The following RANBP2 variants were observed in gnomAD, a reference collection of about 807,000 sequenced individuals.
RANBP2 encodes RAN binding protein 2.
Under a neutral mutation model 303.6 loss-of-function variants are expected in RANBP2, and 57 were observed. The observed-to-expected ratio is 0.19, with a 90% CI of 0.15 to 0.23. The LOEUF (loss-of-function observed/expected upper bound fraction) is 0.23, where lower values mean the gene tolerates loss of function less well. Ranked by LOEUF, RANBP2 falls within the 10% of genes least tolerant of loss-of-function variation. The pLI, the probability that RANBP2 is intolerant of heterozygous loss-of-function variation, is 1.00. For missense variants in RANBP2, 3,138 were observed against 3,780.8 expected, an observed-to-expected ratio of 0.83 and a Z score of 4.46; for synonymous variants, 1,167 against 1,301.5, an observed-to-expected ratio of 0.90 and a Z score of 2.23.
intron 7 of RANBP2, among the ~76,000 whole-genome samples, chr2:108,745,578 T>C (rs2693117): frequency 4.5e-4 from 66 of 145,472 alleles, no homozygotes; most frequent in Non-Finnish European, 8.7e-4. Context: ...GTCTTCCCTT[T>C]GCCATTCTAT....
At chr2:108,850,210 C>T in the RANBP2 span, among the ~76,000 whole-genome samples, 1 of 152,184 alleles carries the variant, frequency 6.6e-6, no homozygotes, top group African/African-American at 2.4e-5. Flanking sequence ...AGACTTAACT[C>T]TAGTAAGAAG....
chr2:109,557,194 T>TA, the RANBP2 span, among the ~76,000 whole-genome samples: 2 of 151,966 alleles, frequency 1.3e-5, no homozygotes, highest in Admixed American at 6.6e-5. Context: ...AAAAAAATTA[T>TA]AAAAAAAATC....
chr2:109,634,423 C>T, the RANBP2 span, among the ~76,000 whole-genome samples: 55 of 152,316 alleles, frequency 3.6e-4, no homozygotes, highest in South Asian at 0.011. Flanking sequence ...TGAATCACAT[C>T]ACTGAGGGCC....
At chr2:109,510,159 G>A in the RANBP2 span, among the ~76,000 whole-genome samples, 1 of 152,218 alleles carries the variant, frequency 6.6e-6, no homozygotes, top group Admixed American at 6.5e-5. Context: ...GCAGGATCAA[G>A]AAACTGAGGG....
At chr2:109,707,753 C>T in the RANBP2 span, among the ~76,000 whole-genome samples, 2 of 152,230 alleles carry the variant, frequency 1.3e-5, no homozygotes, top group Non-Finnish European at 2.9e-5. Flanking sequence ...CCCTTTTCTT[C>T]TAATGTTCAG....
At chr2:109,707,131 C>T in the RANBP2 span, among the ~76,000 whole-genome samples, 2 of 152,192 alleles carry the variant, frequency 1.3e-5, no homozygotes, top group East Asian at 1.9e-4. Context: ...AAATAATTCA[C>T]AATTTATTTA....
At chr2:108,990,379 C>G in the RANBP2 span, among the ~76,000 whole-genome samples, 1 of 140,946 alleles carries the variant, frequency 7.1e-6, no homozygotes, top group African/African-American at 2.7e-5. Context: ...TGCAGTGAGC[C>G]GAGATTGCGC....
At chr2:109,045,074 A>T in the RANBP2 span, among the ~76,000 whole-genome samples, 1 of 152,078 alleles carries the variant, frequency 6.6e-6, no homozygotes, top group Non-Finnish European at 1.5e-5. Context: ...GGGCAGAGGG[A>T]GTTGGAGAAA....
the RANBP2 span, among the ~76,000 whole-genome samples, chr2:109,388,234 TC>T: frequency 6.6e-6 from 1 of 152,226 alleles, no homozygotes; most frequent in Non-Finnish European, 1.5e-5. Flanking sequence ...TGAGTTGTCT[TC>T]CCCTCTCAGC....
At chr2:109,031,864 A>T in the RANBP2 span, among the ~76,000 whole-genome samples, 1 of 151,822 alleles carries the variant, frequency 6.6e-6, no homozygotes, top group Admixed American at 6.6e-5. Context: ...TGTTTGCTCA[A>T]TTTCTTGTCC....
At chr2:109,531,588 T>A in the RANBP2 span, among the ~76,000 whole-genome samples, 12 of 152,224 alleles carry the variant, frequency 7.9e-5, no homozygotes, top group Non-Finnish European at 1.5e-4. Flanking sequence ...ATTGGAATCA[T>A]GATTGATTAT....
the RANBP2 span, among the ~76,000 whole-genome samples, chr2:109,016,845 G>C: frequency 6.6e-6 from 1 of 152,238 alleles, no homozygotes; most frequent in Non-Finnish European, 1.5e-5. Context: ...AGATACAACA[G>C]GAGAGTTAAT....
the RANBP2 span, among the ~76,000 whole-genome samples, chr2:109,468,922 C>T: frequency 4.7e-5 from 7 of 149,498 alleles, no homozygotes; most frequent in Admixed American, 2.0e-4. Context: ...CAACCCTCTA[C>T]GGCTTTGATA....
At chr2:109,524,699 C>T in the RANBP2 span, among the ~76,000 whole-genome samples, 2 of 151,666 alleles carry the variant, frequency 1.3e-5, no homozygotes, top group East Asian at 1.9e-4. Context: ...GAGCTGAGAT[C>T]GCGCCACTGC....
chr2:108,808,062 T>C, the RANBP2 span, among the ~76,000 whole-genome samples: 3 of 152,168 alleles, frequency 2.0e-5, no homozygotes, highest in Non-Finnish European at 4.4e-5. Flanking sequence ...GAACATGTGG[T>C]ATTTATCATT....
the RANBP2 span, among the ~76,000 whole-genome samples, chr2:108,829,567 G>A: frequency 6.6e-6 from 1 of 152,200 alleles, no homozygotes; most frequent in South Asian, 2.1e-4. Flanking sequence ...CCAACATGGG[G>A]GAACCCCATC....
intron 1 of RANBP2, among the ~76,000 whole-genome samples, chr2:108,722,143 C>G (rs1451388890): frequency 1.3e-5 from 2 of 151,334 alleles, no homozygotes; most frequent in Non-Finnish European, 2.9e-5. Flanking sequence ...AACCACTGGT[C>G]TAGACAGAAG....
At chr2:109,556,498 T>C in the RANBP2 span, among the ~76,000 whole-genome samples, 1 of 152,168 alleles carries the variant, frequency 6.6e-6, no homozygotes, top group African/African-American at 2.4e-5. Context: ...TTGAGGCATG[T>C]ACAGGAGGGG....
chr2:109,151,581 GA>G, the RANBP2 span, among the ~76,000 whole-genome samples: 25 of 152,218 alleles, frequency 1.6e-4, no homozygotes, highest in African/African-American at 4.8e-4. Flanking sequence ...TAGTTACTAT[GA>G]AAACTTATTA....
Sources: allele counts gnomAD v4.1 joint callset (sites outside exome capture counted in the v4.1 genomes callset), GRCh38; gene constraint gnomAD v4.1.1; transcripts MANE v1.5; gene names NCBI Gene and HGNC (gene_info 2026-07-23, HGNC 2026-07-21).